Variants in TRAPPC12 observed in about 807,000 individuals in gnomAD.
TRAPPC12 encodes TPR repeat protein 15.
A neutral mutation model predicts 69.2 loss-of-function variants in TRAPPC12; 61 were observed. The ratio of observed to expected loss-of-function variants is 0.88; its 90% CI spans 0.72 to 1.09. TRAPPC12 has a LOEUF of 1.09. TRAPPC12 is among the 50% of genes least tolerant of loss of function. The probability of loss-of-function intolerance (pLI) is 0.00; values close to 1 mark genes in which losing one functional copy is unlikely to be tolerated. For missense variants in TRAPPC12, 1,101 were observed against 1,016.4 expected, an observed-to-expected ratio of 1.08 and a Z score of -1.13; for synonymous variants, 469 against 438.9, an observed-to-expected ratio of 1.07 and a Z score of -0.86.
At position 3,387,552 on chromosome 2, in the gene TRAPPC12, A is replaced by G. The variant is rs571571438; in HGVS notation, c.-4-68A>G. ...TCTGCGTCATTTGAATCTATAAGCAATACTCATTTTTCGGTTGAGGTGAAT... is the reference window on the plus strand; with the variant it reads ...TCTGCGTCATTTGAATCTATAAGCAGTACTCATTTTTCGGTTGAGGTGAAT... On this transcript the variant is annotated intron_variant, in intron 1 of 11. Coordinates refer to ENST00000324266, the MANE Select transcript of TRAPPC12 (RefSeq NM_016030.6). 146 of 1,199,912 alleles carry G rather than the reference A, an allele frequency of 1.2e-4. No individual in the cohort carries two copies. The South Asian group carries it at 2.2e-3, about 18-fold the overall frequency. The allele number at this position is 1,199,912 out of a possible 1,614,324, so 74.3% of individuals were successfully genotyped here.
At chr2:3,428,778 G>C (rs541987161) in intron 5 of TRAPPC12, among the ~76,000 whole-genome samples, 2 of 152,060 alleles carry the variant, frequency 1.3e-5, no homozygotes, top group Admixed American at 1.3e-4. Flanking sequence ...CGAGGACTAC[G>C]TGCCTGGGGC....
intron 9 of TRAPPC12, among the ~76,000 whole-genome samples, chr2:3,477,034 A>G (rs1666322762): frequency 6.6e-6 from 1 of 152,220 alleles, no homozygotes; most frequent in Non-Finnish European, 1.5e-5. Flanking sequence ...CTAGAGGTGA[A>G]AGAAAACCCA....
At chr2:3,432,846 C>T (rs1263565573) in intron 5 of TRAPPC12, among the ~76,000 whole-genome samples, 1 of 152,230 alleles carries the variant, frequency 6.6e-6, no homozygotes, top group Non-Finnish European at 1.5e-5. Context: ...GCACAAGATA[C>T]AGGCCTTGGC....
intron 3 of TRAPPC12, among the ~76,000 whole-genome samples, chr2:3,407,150 G>A (rs544365244): frequency 6.6e-6 from 1 of 152,330 alleles, no homozygotes; most frequent in Non-Finnish European, 1.5e-5. Context: ...CACAGCCTGG[G>A]AGAAGGACGT....
chr2:3,474,559 G>A (rs1346484643), intron 9 of TRAPPC12, among the ~76,000 whole-genome samples: 1 of 152,232 alleles, frequency 6.6e-6, no homozygotes, highest in Non-Finnish European at 1.5e-5. Context: ...CACAGTTCCA[G>A]TTTCTGCCAC....
intron 6 of TRAPPC12, among the ~76,000 whole-genome samples, chr2:3,451,851 C>G (rs1664867135): frequency 6.6e-6 from 1 of 152,182 alleles, no homozygotes. Context: ...TTAAACAAAA[C>G]TAACCCTCCA....
At chr2:3,446,415 C>T (rs1283647310) in intron 6 of TRAPPC12, among the ~76,000 whole-genome samples, 1 of 152,116 alleles carries the variant, frequency 6.6e-6, no homozygotes, top group Admixed American at 6.5e-5. Flanking sequence ...AATTTGACAC[C>T]CTCTTGAGAG....
chr2:3,388,261 C>T lies in TRAPPC12; in HGVS notation c.638C>T (p.Thr213Met), dbSNP rs762173422. 1.9e-6 allele frequency: 3 copies of T among 1,608,276 alleles called. No individual in the cohort carries two copies. Among genetic ancestry groups the T allele is most frequent in the Non-Finnish European group, 2.5e-6 (3 of 1,177,656 alleles). ...SPSLSTFFGD[T>M]AASHSLASDF... is the part of the protein sequence containing the mutation. ...AGCCTCAGCACGTTCTTCGGAGACA[C>T]GGCCGCCAGCCACTCCTTGGCCTCG... Residue 213 changes from threonine to methionine, a missense_variant, in exon 2 of 12, where the codon ACG becomes ATG. Coordinates refer to ENST00000324266, the MANE Select transcript of TRAPPC12 (RefSeq NM_016030.6).
At chr2:3,476,427 G>A (rs1666293560) in intron 9 of TRAPPC12, among the ~76,000 whole-genome samples, 1 of 151,852 alleles carries the variant, frequency 6.6e-6, no homozygotes, top group East Asian at 1.9e-4. Flanking sequence ...AGGGCCTCAT[G>A]AGGCCTGCAG....
intron 8 of TRAPPC12, among the ~76,000 whole-genome samples, chr2:3,463,693 G>A (rs1422542090): frequency 2.0e-5 from 3 of 151,846 alleles, no homozygotes; most frequent in African/African-American, 2.4e-5. Context: ...CCCCCACCCT[G>A]CGCTCTCTGT....
At chr2:3,407,933 G>A (rs555732144) in intron 3 of TRAPPC12, among the ~76,000 whole-genome samples, 10 of 152,276 alleles carry the variant, frequency 6.6e-5, no homozygotes, top group Admixed American at 2.0e-4. Flanking sequence ...GACGGCATGC[G>A]ATCATAAGAA....
intron 2 of TRAPPC12, among the ~76,000 whole-genome samples, chr2:3,393,797 CAT>C (rs1660966124): frequency 6.6e-6 from 1 of 151,946 alleles, no homozygotes; most frequent in Non-Finnish European, 1.5e-5. Flanking sequence ...GATACGTAGA[CAT>C]ATCCCTGATC....
intron 2 of TRAPPC12, among the ~76,000 whole-genome samples, chr2:3,391,693 T>C (rs1660830241): frequency 6.6e-6 from 1 of 152,208 alleles, no homozygotes; most frequent in African/African-American, 2.4e-5. Context: ...AATTCCGGAC[T>C]CTGATGTCAG....
At position 3,436,579 on chromosome 2, in the gene TRAPPC12, G is replaced by A. The variant is rs934213823; in HGVS notation, c.1418-7200G>A. On this transcript the variant is annotated intron_variant, in intron 5 of 11. Transcript: ENST00000324266. ...TTATTATAATTGATAAACCAATAGC[G>A]GTACATTGTTGTTAAAGTACATAGT... 1.1e-4 allele frequency among the ~76,000 whole-genome samples: 16 copies of A among 151,896 alleles called. 1 individual carries two copies. The South Asian group carries it at 3.3e-3, about 32-fold the overall frequency.
At chr2:3,416,509 G>GTGCCCTCCCCCTACCCCTTCAC (rs1662406232) in intron 3 of TRAPPC12, among the ~76,000 whole-genome samples, 1 of 67,138 alleles carries the variant, frequency 1.5e-5, no homozygotes, top group African/African-American at 6.3e-5. Flanking sequence ...CCCCTTCACT[G>GTGCCCTCCCCCTACCCCTTCAC]TGCCCTCCCC....
chr2:3,431,156 A>C (rs1558377684), intron 5 of TRAPPC12, among the ~76,000 whole-genome samples: 1 of 152,224 alleles, frequency 6.6e-6, no homozygotes, highest in South Asian at 2.1e-4. Context: ...CTCTCCTGGC[A>C]TACCCTTGAG....
chr2:3,457,119 TA>T (rs1488357961), intron 6 of TRAPPC12: 5 of 464,496 alleles, frequency 1.1e-5, no homozygotes, highest in South Asian at 1.6e-5. Flanking sequence ...TACGCAGCCG[TA>T]AAAAAAGAAC....
rs115719166 is a variant in TRAPPC12, at chr2:3,417,262, C to T, written c.1165-4619C>T. Reference sequence around the variant, plus strand: ...GTTCGCGCTGTCCCTCAGATTTCCACGTTAGTGTTTTATTGGTTAGTTTGT... The same window carrying T: ...GTTCGCGCTGTCCCTCAGATTTCCATGTTAGTGTTTTATTGGTTAGTTTGT... On this transcript the variant is annotated intron_variant, in intron 3 of 11. Coordinates refer to ENST00000324266, the MANE Select transcript of TRAPPC12 (RefSeq NM_016030.6). 2.2e-3 allele frequency among the ~76,000 whole-genome samples: 339 copies of T among 152,218 alleles called. 3 individuals carry two copies. The highest frequency in any genetic ancestry group is 0.01 in the Middle Eastern group (3 of 294).
intron 6 of TRAPPC12, chr2:3,454,893 G>C (rs1665055194): frequency 6.6e-6 from 1 of 152,424 alleles, no homozygotes; most frequent in South Asian, 2.1e-4. Context: ...TCAGCACGTG[G>C]AGAGATCGCC....
Sources: gnomAD v4.1 joint callset for allele counts (sites outside exome capture counted in the v4.1 genomes callset) on GRCh38, gnomAD v4.1.1 for gene constraint, MANE v1.5 for transcripts, NCBI Gene and HGNC (gene_info 2026-07-23, HGNC 2026-07-21) for gene names.